Variants in AGMO observed in about 807,000 individuals in gnomAD.
AGMO encodes the protein alkylglycerol monooxygenase.
A neutral mutation model predicts 60.2 loss-of-function variants in AGMO; 75 were observed. That is an observed-to-expected ratio of 1.25 (90% CI 1.03 to 1.51). The LOEUF is 1.51. Ranked by LOEUF, AGMO falls within the 40% of genes most tolerant of loss-of-function variation. The probability of loss-of-function intolerance (pLI) is 0.00; values close to 1 mark genes in which losing one functional copy is unlikely to be tolerated. For missense variants in AGMO, 763 were observed against 525.5 expected (o/e 1.45, Z -4.42); for synonymous variants, 261 against 177.1 (o/e 1.47, Z -3.76).
intron 12 of AGMO, among the ~76,000 whole-genome samples, chr7:15,329,725 A>G (rs1354299777): frequency 6.6e-6 from 1 of 152,170 alleles, no homozygotes; most frequent in Non-Finnish European, 1.5e-5. Flanking sequence ...TTTCCCAGAG[A>G]ATCAGAGATT....
chr7:15,354,369 G>C (rs1448730365), intron 12 of AGMO, among the ~76,000 whole-genome samples: 2,700 of 48,158 alleles, frequency 0.056, 328 homozygotes, highest in African/African-American at 0.094. Context: ...TGTGTATATA[G>C]ACGTGTGTAT....
the AGMO span, among the ~76,000 whole-genome samples, chr7:15,191,401 T>A: frequency 6.6e-6 from 1 of 152,146 alleles, no homozygotes; most frequent in African/African-American, 2.4e-5. Context: ...AGAACGTATC[T>A]CTGAGGTCTG....
chr7:15,227,687 A>G lies in AGMO; in HGVS notation c.1264-26328T>C, dbSNP rs547709463. 6.6e-5 allele frequency among the ~76,000 whole-genome samples: 10 copies of G among 152,200 alleles called. No homozygotes were observed. The East Asian group carries it at 1.9e-3, about 29-fold the overall frequency. On this transcript the variant is annotated intron_variant, in intron 12 of 12. Transcript: ENST00000342526. ...TCACGGTAACGCCTCCTGAATTTAC[A>G]CGTATCATCCATGAGGTAGCATGAA...
chr7:15,291,443 A>C (rs375813897), intron 12 of AGMO, among the ~76,000 whole-genome samples: 2 of 152,314 alleles, frequency 1.3e-5, no homozygotes, highest in African/African-American at 4.8e-5. Context: ...TGTTCTTCTT[A>C]AGTATGACTC....
At chr7:15,204,151 G>A (rs1781380382) in intron 12 of AGMO, among the ~76,000 whole-genome samples, 1 of 151,964 alleles carries the variant, frequency 6.6e-6, no homozygotes, top group African/African-American at 2.4e-5. Flanking sequence ...GAATATATGT[G>A]TTTATATATA....
chr7:15,411,672 A>C (rs1171300157), intron 5 of AGMO, among the ~76,000 whole-genome samples: 1 of 152,092 alleles, frequency 6.6e-6, no homozygotes, highest in Non-Finnish European at 1.5e-5. Flanking sequence ...ATATGTGCCA[A>C]GTAGATTAAT....
chr7:15,323,450 T>C (rs1472459959), intron 12 of AGMO, among the ~76,000 whole-genome samples: 1 of 152,074 alleles, frequency 6.6e-6, no homozygotes, highest in Non-Finnish European at 1.5e-5. Flanking sequence ...TGAGGAGAAA[T>C]ACAGTGTATA....
intron 12 of AGMO, among the ~76,000 whole-genome samples, chr7:15,244,930 G>C (rs953004077): frequency 2.0e-5 from 3 of 152,174 alleles, no homozygotes; most frequent in Non-Finnish European, 2.9e-5. Flanking sequence ...GGGATTACAG[G>C]CGTAAGCCAC....
intron 3 of AGMO, among the ~76,000 whole-genome samples, chr7:15,519,035 T>C (rs1783905292): frequency 6.6e-6 from 1 of 150,900 alleles, no homozygotes. Context: ...CAAGTATCAA[T>C]AGCCGAACTG....
intron 3 of AGMO, among the ~76,000 whole-genome samples, chr7:15,521,049 C>G (rs1783969891): frequency 6.6e-6 from 1 of 152,110 alleles, no homozygotes; most frequent in Non-Finnish European, 1.5e-5. Context: ...AAACTACCAT[C>G]AAAGAATACT....
the AGMO span, among the ~76,000 whole-genome samples, chr7:15,133,184 A>C: frequency 5.3e-3 from 809 of 152,322 alleles, 11 homozygotes; most frequent in African/African-American, 0.018. Context: ...ATAATCCTGT[A>C]TGAGAGTGGG....
the AGMO span, among the ~76,000 whole-genome samples, chr7:15,189,761 T>C: frequency 6.6e-6 from 1 of 151,652 alleles, no homozygotes; most frequent in Non-Finnish European, 1.5e-5. Flanking sequence ...AGCGCTGAGA[T>C]GTAACAATAG....
In AGMO at chr7:15,508,009, T is replaced by G. The variant is rs146608561; in HGVS notation, c.409+36763A>C. Among the ~76,000 whole-genome samples the G allele has an allele frequency of 2.1e-4, 32 of 152,092 alleles. No homozygotes were observed. The East Asian group carries it at 5.6e-3, about 27-fold the overall frequency. ...AAATGTACCGTAATAAAATTTAAAA[T>G]GGAAATAAAATGAGATTTTCAAACA... On this transcript the variant is annotated intron_variant, in intron 3 of 12. Coordinates refer to ENST00000342526, the MANE Select transcript of AGMO (RefSeq NM_001004320.2).
chr7:15,304,807 A>G (rs1297063877), intron 12 of AGMO, among the ~76,000 whole-genome samples: 1 of 152,058 alleles, frequency 6.6e-6, no homozygotes, highest in Non-Finnish European at 1.5e-5. Context: ...CCTTCCTCTA[A>G]GCCCACCATC....
intron 12 of AGMO, among the ~76,000 whole-genome samples, chr7:15,211,473 G>C (rs2128494128): frequency 6.6e-6 from 1 of 152,032 alleles, no homozygotes; most frequent in South Asian, 2.1e-4. Flanking sequence ...TAAAACTTTA[G>C]TGGGTAACTA....
chr7:15,418,531 A>T, intron 5 of AGMO, 27 bp downstream of exon 5: 1 of 1,421,054 alleles, frequency 7.0e-7, no homozygotes, highest in Non-Finnish European at 9.8e-7. Flanking sequence ...TAGGTATAAA[A>T]CTTACAAAGA....
the AGMO span, among the ~76,000 whole-genome samples, chr7:15,175,484 A>G: frequency 2.0e-5 from 3 of 151,926 alleles, no homozygotes; most frequent in African/African-American, 7.2e-5. Context: ...AACAATAAAC[A>G]TCTGAATGTT....
chr7:15,477,407 C>A lies in AGMO; in HGVS notation c.410-46299G>T, dbSNP rs568167922. Among the ~76,000 whole-genome samples the A allele has an allele frequency of 1.5e-4, 23 of 152,098 alleles. 1 individual carries two copies. In the South Asian group the frequency reaches 4.8e-3, roughly 32 times the overall value. ...CAGTCACTCTGTCTTGGTATATGAT[C>A]GTATCATGTTTCAAGGTGAAAATAC... is the stretch of plus-strand genomic sequence containing the variant. On this transcript the variant is annotated intron_variant, in intron 3 of 12. Coordinates refer to ENST00000342526, the MANE Select transcript of AGMO (RefSeq NM_001004320.2).
At chr7:15,464,126 C>T (rs1000108201) in intron 3 of AGMO, among the ~76,000 whole-genome samples, 1 of 152,196 alleles carries the variant, frequency 6.6e-6, no homozygotes, top group Non-Finnish European at 1.5e-5. Flanking sequence ...CTTACAGAAA[C>T]TCTTGTCCAC....
Sources: gnomAD v4.1 joint callset for allele counts (sites outside exome capture counted in the v4.1 genomes callset) on GRCh38, gnomAD v4.1.1 for gene constraint, MANE v1.5 for transcripts, NCBI Gene and HGNC (gene_info 2026-07-23, HGNC 2026-07-21) for gene names.